BICD2: variants seen among roughly 807,000 people sequenced by gnomAD.
BICD2 encodes protein bicaudal D homolog 2.
In BICD2, 25 loss-of-function variants were observed where a neutral mutation model predicts 72.9. That is an observed-to-expected ratio of 0.34 (90% confidence interval 0.25 to 0.48). The LOEUF is 0.48. Among genes scored for constraint, BICD2 ranks in the 20% least tolerant of loss-of-function variants. The pLI is 0.99. For synonymous variants in BICD2, 501 were observed against 516.1 expected, an observed-to-expected ratio of 0.97 and a Z score of 0.40; for missense variants, 894 against 1,175.2, an observed-to-expected ratio of 0.76 and a Z score of 3.50.
At chr9:92,732,861 T>C (rs1446506151) in intron 1 of BICD2, among the ~76,000 whole-genome samples, 1 of 152,210 alleles carries the variant, frequency 6.6e-6, no homozygotes, top group Non-Finnish European at 1.5e-5. Flanking sequence ...TTTATCTACA[T>C]GGAAGAAATG....
chr9:92,720,542 T>C lies in BICD2; in HGVS notation c.820A>G (p.Ser274Gly), dbSNP rs1446320822. Residue 274 changes from serine to glycine, a missense_variant, in exon 4 of 7, where the codon AGC becomes GGC. Physicochemically the swap from Ser to Gly is moderately conservative, Grantham distance 56 (BLOSUM62 0). This residue lies in a region of BICD2 where 371 missense variants were observed against 439.1 expected (regional missense o/e 0.84). Transcript: ENST00000356884. This position sits in a 1 kb window ranked among gnomAD's most constrained non-coding sequence, Gnocchi z 5.4. ...CCATCCAGCGAGACATGCAGGTGGCTGGTGTAGAAGGAGTCATTGATGCTC... is the reference window on the plus strand; with the variant it reads ...CCATCCAGCGAGACATGCAGGTGGCCGGTGTAGAAGGAGTCATTGATGCTC... Reference protein sequence around the residue: ...YMSINDSFYTSHLHVSLDGLK... With the variant: ...YMSINDSFYTGHLHVSLDGLK... 1.2e-6 allele frequency: 2 copies of C among 1,614,158 alleles called. No homozygotes were observed. Among genetic ancestry groups the C allele is most frequent in the Non-Finnish European group, 1.7e-6 (2 of 1,180,026 alleles).
chr9:92,764,804 C>T lies in BICD2; in HGVS notation c.-60G>A. The T allele has an allele frequency of 8.2e-7, 1 of 1,223,922 alleles. No homozygotes were observed. The highest frequency in any genetic ancestry group is 1.0e-6 in the Non-Finnish European group (1 of 981,992). 75.8% of individuals were successfully genotyped at this position (1,223,922 alleles called of 1,614,324 possible). A position where few individuals can be genotyped will look rare whatever the true frequency, so the allele number is the denominator to read the frequency against. ...TCTCGCAGGCCGGGCCCTCCTCAGC[C>T]GCCGCCGCTGCCGCCGCCGCCGCCG... is the stretch of plus-strand genomic sequence containing the variant. On this transcript the variant is annotated 5_prime_UTR_variant, in exon 1 of 7. Transcript: ENST00000356884. The surrounding 1 kb of genome is among the most constrained non-coding windows in gnomAD (Gnocchi z 5.5).
Position 92,713,793 on chromosome 9 carries a change from T to C in BICD2, c.*1361A>G. 1 of 1,184,014 alleles carries C rather than the reference T, an allele frequency of 8.4e-7. No homozygotes were observed. Among genetic ancestry groups the C allele is most frequent in the Non-Finnish European group, 1.1e-6 (1 of 947,780 alleles). 73.3% of individuals were successfully genotyped at this position (1,184,014 alleles called of 1,614,324 possible). ...GGACATACATGGGCGTGTCCTGGAG[T>C]CTGGAGGGGACCGAAACATACTCGG... On this transcript the variant is annotated 3_prime_UTR_variant, in exon 7 of 7. Transcript: ENST00000356884.
chr9:92,741,003 A>G (rs1853887468), intron 1 of BICD2, among the ~76,000 whole-genome samples: 1 of 152,250 alleles, frequency 6.6e-6, no homozygotes, highest in South Asian at 2.1e-4. Context: ...GTCCCTGTCC[A>G]CAACCATATC....
At position 92,755,753 on chromosome 9, in the gene BICD2, C is replaced by T. The variant is rs538401149; in HGVS notation, c.240+8752G>A. On this transcript the variant is annotated intron_variant, in intron 1 of 6. Coordinates refer to ENST00000356884, the MANE Select transcript of BICD2 (RefSeq NM_001003800.2). ...ACCCCAGCATGTTGTGAGGGTGGTA[C>T]TGAGGGAACATGGGTGTGAGGAAGA... Among the ~76,000 whole-genome samples, 14 of 152,292 alleles carry T rather than the reference C, an allele frequency of 9.2e-5. No individual in the cohort carries two copies. The South Asian group carries it at 2.9e-3, about 32-fold the overall frequency.
chr9:92,749,454 C>T (rs1020307220), intron 1 of BICD2, among the ~76,000 whole-genome samples: 3 of 152,186 alleles, frequency 2.0e-5, no homozygotes, highest in Non-Finnish European at 4.4e-5. Flanking sequence ...ACAGGGAACA[C>T]TGTAGGGCTG....
At chr9:92,745,619 A>G (rs10992444) in intron 1 of BICD2, among the ~76,000 whole-genome samples, 1 of 151,488 alleles carries the variant, frequency 6.6e-6, no homozygotes, top group African/African-American at 2.4e-5. Context: ...AAGCAAGAAG[A>G]CTCTGGGTGC....
Position 92,717,937 on chromosome 9 carries a change from C to T in BICD2, c.2118G>A (p.Val706=). The T allele has an allele frequency of 1.2e-6, 2 of 1,613,272 alleles. No homozygotes were observed. Among genetic ancestry groups the T allele is most frequent in the East Asian group, 2.2e-5 (1 of 44,868 alleles). The change falls in exon 6 of 7, where the codon GTG becomes GTA. Residue 706 remains valine, a synonymous_variant. Coordinates refer to ENST00000356884, the MANE Select transcript of BICD2 (RefSeq NM_001003800.2). ...VLKANKQTAE[V]ALANLKSKYE... ...ACTTGCTCTTCAGGTTGGCAAGGGC[C>T]ACCTCGGCCGTCTGGGGGACAGATG...
intron 1 of BICD2, among the ~76,000 whole-genome samples, chr9:92,763,174 A>T (rs1854406190): frequency 6.6e-6 from 1 of 152,164 alleles, no homozygotes; most frequent in Non-Finnish European, 1.5e-5. Context: ...CTAACTGAGC[A>T]CCTGCTCTGC....
At chr9:92,717,508 C>A (rs947831344) in intron 6 of BICD2, among the ~76,000 whole-genome samples, 4 of 152,240 alleles carry the variant, frequency 2.6e-5, no homozygotes, top group African/African-American at 9.6e-5. Context: ...GCTTGCGTGA[C>A]CTCGGAGGAA....
chr9:92,741,988 C>T (rs1482023492), intron 1 of BICD2, among the ~76,000 whole-genome samples: 1 of 151,928 alleles, frequency 6.6e-6, no homozygotes, highest in Admixed American at 6.6e-5. Flanking sequence ...AAAATTAACC[C>T]CCAGATATTA....
chr9:92,727,803 C>CA (rs1002628753), intron 2 of BICD2, among the ~76,000 whole-genome samples: 10 of 152,322 alleles, frequency 6.6e-5, no homozygotes, highest in African/African-American at 2.4e-4. Context: ...TTCAGGGCCC[C>CA]ACCCAGGCCT....
In BICD2 at chr9:92,729,171, G is replaced by C; in HGVS notation, c.306C>G (p.Ser102Arg). 1 of 1,614,226 alleles carries C rather than the reference G, an allele frequency of 6.2e-7. No homozygotes were observed. Among genetic ancestry groups the C allele is most frequent in the Admixed American group, 1.7e-5 (1 of 60,024 alleles). Reference protein sequence around the residue: ...VAADGESREESLIQESASKEQ... With the variant: ...VAADGESREERLIQESASKEQ... ...CCTTGGAGGCCGACTCCTGGATCAG[G>C]CTCTCCTCCCGGCTCTCTCCGTCAG... Residue 102 changes from serine to arginine, a missense_variant, in exon 2 of 7, where the codon AGC (serine) becomes AGG (arginine). By Grantham distance (110) the Ser-to-Arg change is moderately radical. This residue lies in a region of BICD2 where 192 missense variants were observed against 243.6 expected (regional missense o/e 0.79). Transcript: ENST00000356884.
At chr9:92,749,123 G>T (rs1418650530) in intron 1 of BICD2, among the ~76,000 whole-genome samples, 1 of 151,974 alleles carries the variant, frequency 6.6e-6, no homozygotes, top group Non-Finnish European at 1.5e-5. Context: ...AAGGCTGCAG[G>T]AGTCCCTGCA....
intron 1 of BICD2, among the ~76,000 whole-genome samples, chr9:92,761,608 C>T (rs1365097088): frequency 6.6e-6 from 1 of 152,196 alleles, no homozygotes; most frequent in African/African-American, 2.4e-5. Context: ...AGCTACAGTC[C>T]CTGCCTGTGC....
At chr9:92,727,046 A>G (rs375413188) in intron 2 of BICD2, among the ~76,000 whole-genome samples, 2 of 152,100 alleles carry the variant, frequency 1.3e-5, no homozygotes, top group East Asian at 3.9e-4. Flanking sequence ...CTCCATACAC[A>G]CAGCCCCTCC....
chr9:92,739,556 G>A (rs940159624), intron 1 of BICD2, among the ~76,000 whole-genome samples: 6 of 152,194 alleles, frequency 3.9e-5, no homozygotes, highest in East Asian at 1.9e-4. Context: ...TGGCAGGCAG[G>A]GAGGCAAAGC....
Position 92,715,069 on chromosome 9 carries a change from A to G in BICD2, c.*85T>C. 1 of 1,496,630 alleles carries G rather than the reference A, an allele frequency of 6.7e-7. No individual in the cohort carries two copies. The highest frequency in any genetic ancestry group is 8.9e-7 in the Non-Finnish European group (1 of 1,121,656). 92.7% of individuals were successfully genotyped at this position (1,496,630 alleles called of 1,614,324 possible). ...CCCTCTGTGCATTAGTCACGTTAAG[A>G]TTGACCTAGCACCGCCGTCCCGCTG... On this transcript the variant is annotated 3_prime_UTR_variant, in exon 7 of 7. Transcript: ENST00000356884.
intron 1 of BICD2, among the ~76,000 whole-genome samples, chr9:92,752,646 A>G (rs2131531761): frequency 6.6e-6 from 1 of 152,296 alleles, no homozygotes; most frequent in South Asian, 2.1e-4. Context: ...GGCACATGCT[A>G]CTGGGGAGAC....
Sources: allele counts gnomAD v4.1 joint callset (sites outside exome capture counted in the v4.1 genomes callset), GRCh38; gene constraint gnomAD v4.1.1; regional missense constraint gnomAD v4.1.1; non-coding constraint Gnocchi (gnomAD v3.1); transcripts MANE v1.5; gene names NCBI Gene and HGNC (gene_info 2026-07-23, HGNC 2026-07-21).